TSC22D1: variants seen among roughly 807,000 people sequenced by gnomAD.
TSC22D1 encodes TSC22 domain family protein 1.
TSC22D1 carries 9 observed loss-of-function variants against 74.2 expected under a neutral mutation model. That is an observed-to-expected ratio of 0.12 (90% CI 0.07 to 0.21). The LOEUF (loss-of-function observed/expected upper bound fraction) is 0.21. Ranked by LOEUF, TSC22D1 falls within the 10% of genes least tolerant of loss-of-function variation. The pLI is 1.00. For missense variants in TSC22D1, 1,427 were observed against 1,304.7 expected (o/e 1.09, Z -1.44); for synonymous variants, 586 against 492.5 (o/e 1.19, Z -2.51).
intron 1 of TSC22D1, chr13:44,451,606 G>C (rs1876139206): frequency 6.6e-6 from 1 of 152,232 alleles, no homozygotes; most frequent in African/African-American, 2.4e-5. Flanking sequence ...TGATTCAACT[G>C]AGCACAATTA....
At chr13:44,546,606 A>T (rs1268277448) in intron 1 of TSC22D1, among the ~76,000 whole-genome samples, 1 of 152,172 alleles carries the variant, frequency 6.6e-6, no homozygotes, top group Non-Finnish European at 1.5e-5. Context: ...GGACCAGAAA[A>T]AGATCATTTA....
Position 44,574,969 on chromosome 13 carries a change from T to C in TSC22D1, c.1106A>G (p.Asn369Ser), listed in dbSNP as rs1185294834. The C allele has an allele frequency of 3.1e-6, 5 of 1,613,978 alleles. No individual in the cohort carries two copies. Among genetic ancestry groups the C allele is most frequent in the Non-Finnish European group, 4.2e-6 (5 of 1,180,026 alleles). Residue 369 changes from asparagine to serine, a missense_variant, in exon 1 of 3, where the codon AAT becomes AGT. Asn to Ser is a conservative substitution (Grantham distance 46). Around this residue, in one of 3 missense-constraint regions of TSC22D1, gnomAD observed 1,343 missense variants for 1,191.5 expected, o/e 1.13. Coordinates refer to ENST00000458659, the MANE Select transcript of TSC22D1 (RefSeq NM_183422.4). ...AGCAGCAGAGGAAGAAATAGTACCA[T>C]TGCCCATGCCACTCAAGATATTCAC... ...VNVNILSGMGNGTISSSAAVS... is the reference protein window; with the variant it reads ...VNVNILSGMGSGTISSSAAVS...
chr13:44,451,229 G>A (rs1313199745), intron 1 of TSC22D1, among the ~76,000 whole-genome samples: 2 of 152,152 alleles, frequency 1.3e-5, no homozygotes, highest in East Asian at 1.9e-4. Flanking sequence ...ACAGACAGAC[G>A]GCAGCTGCAA....
chr13:44,543,065 ACATCAATGAAAT>A (rs1329079128), intron 1 of TSC22D1, among the ~76,000 whole-genome samples: 12 of 152,194 alleles, frequency 7.9e-5, no homozygotes, highest in Admixed American at 7.9e-4. Flanking sequence ...ACCTACCAGT[ACATCAATGAAAT>A]CATTTTAACA....
At chr13:44,479,969 A>C (rs1878103023) in intron 1 of TSC22D1, among the ~76,000 whole-genome samples, 1 of 152,248 alleles carries the variant, frequency 6.6e-6, no homozygotes, top group African/African-American at 2.4e-5. Flanking sequence ...AAAATAGCAG[A>C]TGGAAGACAC....
At chr13:44,515,549 T>G (rs535220528) in intron 1 of TSC22D1, among the ~76,000 whole-genome samples, 13 of 152,218 alleles carry the variant, frequency 8.5e-5, no homozygotes, top group Non-Finnish European at 1.3e-4. Flanking sequence ...GTGATTCTCC[T>G]ACCTCAGACT....
intron 1 of TSC22D1, among the ~76,000 whole-genome samples, chr13:44,460,197 G>C (rs908868440): frequency 6.6e-6 from 1 of 152,170 alleles, no homozygotes; most frequent in South Asian, 2.1e-4. Flanking sequence ...CTTGTGTTCT[G>C]AACTACTTGG....
At chr13:44,443,008 T>C (rs1291969626) in intron 1 of TSC22D1, among the ~76,000 whole-genome samples, 3 of 146,190 alleles carry the variant, frequency 2.1e-5, no homozygotes, top group East Asian at 3.9e-4. Context: ...CAAATATATC[T>C]GTAGTGAAGT....
chr13:44,487,736 A>T (rs1160399751), intron 1 of TSC22D1, among the ~76,000 whole-genome samples: 1 of 152,040 alleles, frequency 6.6e-6, no homozygotes, highest in Non-Finnish European at 1.5e-5. Flanking sequence ...TCTTGTTAAG[A>T]AGAAAACACA....
At chr13:44,450,412 A>G (rs1436296136) in intron 1 of TSC22D1, among the ~76,000 whole-genome samples, 2 of 152,168 alleles carry the variant, frequency 1.3e-5, no homozygotes, top group Admixed American at 1.3e-4. Context: ...ATAGGGTTTA[A>G]AGGGGGCAAA....
chr13:44,441,691 G>C (rs1875219900), intron 1 of TSC22D1, among the ~76,000 whole-genome samples: 1 of 152,078 alleles, frequency 6.6e-6, no homozygotes, highest in African/African-American at 2.4e-5. Flanking sequence ...GAGTGGATAA[G>C]TGAAAAAAGA....
At position 44,568,654 on chromosome 13, in the gene TSC22D1, A is replaced by G. The variant is rs374216925; in HGVS notation, c.2912+4509T>C. The stretch of plus-strand genomic sequence containing the variant: ...GGCCAGCCCCACACTGCAAATCTCT[A>G]ATCAGCTCTTTAATCCTTTAACACT... On this transcript the variant is annotated intron_variant, in intron 1 of 2. Coordinates refer to ENST00000458659, the MANE Select transcript of TSC22D1 (RefSeq NM_183422.4). Among the ~76,000 whole-genome samples, 236 of 152,270 alleles carry G rather than the reference A, an allele frequency of 1.5e-3. 1 individual carries two copies. The highest frequency in any genetic ancestry group is 5.5e-3 in the African/African-American group (228 of 41,548).
intron 1 of TSC22D1, among the ~76,000 whole-genome samples, chr13:44,570,720 A>T (rs559831121): frequency 5.7e-4 from 87 of 152,296 alleles, no homozygotes; most frequent in African/African-American, 2.0e-3. Flanking sequence ...ACATTTCCTG[A>T]TTCATAATAT....
chr13:44,447,859 G>C lies in TSC22D1; in HGVS notation c.2913-11764C>G, dbSNP rs181523644. 3.1e-5 allele frequency among the ~76,000 whole-genome samples: 4 copies of C among 131,070 alleles called. No homozygotes were observed. In the East Asian group the frequency reaches 9.1e-4, roughly 30 times the overall value. The allele number at this position is 131,070 out of a possible 152,430, so 86.0% of individuals were successfully genotyped here. On this transcript the variant is annotated intron_variant, in intron 1 of 2. Coordinates refer to ENST00000458659, the MANE Select transcript of TSC22D1 (RefSeq NM_183422.4). ...TTTTTTTTTTTTTTTTTTTTAAGAT[G>C]GTAAGGGAGACTTTAAGAGGAACTA...
chr13:44,502,364 A>G (rs1348910969), intron 1 of TSC22D1, among the ~76,000 whole-genome samples: 1 of 152,208 alleles, frequency 6.6e-6, no homozygotes, highest in African/African-American at 2.4e-5. Flanking sequence ...GTCCAACAAT[A>G]CTAGTTTTAA....
At chr13:44,519,061 T>A (rs952155891) in intron 1 of TSC22D1, among the ~76,000 whole-genome samples, 1 of 152,178 alleles carries the variant, frequency 6.6e-6, no homozygotes, top group African/African-American at 2.4e-5. Flanking sequence ...CGGTCTAAAT[T>A]TTTTTTCTTC....
At chr13:44,570,473 T>C (rs150622918) in intron 1 of TSC22D1, among the ~76,000 whole-genome samples, 418 of 152,266 alleles carry the variant, frequency 2.7e-3, no homozygotes, top group South Asian at 6.4e-3. Context: ...ATTACAGGTG[T>C]GAGCCACCGC....
At chr13:44,577,231 G>A (rs1044482198), upstream of TSC22D1, 2 of 152,298 alleles carry the variant, frequency 1.3e-5, no homozygotes, top group Admixed American at 6.5e-5. Context: ...GGTGCCGAGG[G>A]AGGGTGTCGG....
chr13:44,555,147 C>A (rs1882547246), intron 1 of TSC22D1, among the ~76,000 whole-genome samples: 1 of 151,032 alleles, frequency 6.6e-6, no homozygotes, highest in African/African-American at 2.4e-5. Flanking sequence ...CAAAGTTGAT[C>A]TTAGCCTGTC....
Sources: allele counts gnomAD v4.1 joint callset (sites outside exome capture counted in the v4.1 genomes callset), GRCh38; gene constraint gnomAD v4.1.1; regional missense constraint gnomAD v4.1.1; transcripts MANE v1.5; gene names NCBI Gene and HGNC (gene_info 2026-07-23, HGNC 2026-07-21).